Variants in NPR3 observed in about 807,000 individuals in gnomAD.
NPR3 encodes atrial natriuretic peptide receptor 3.
A neutral mutation model predicts 54.5 loss-of-function variants in NPR3; 34 were observed. That is an observed-to-expected ratio of 0.62 (90% CI 0.47 to 0.83). NPR3 has a LOEUF of 0.83. NPR3 is among the 40% of genes least tolerant of loss of function. NPR3 has a pLI of 0.00. For missense variants in NPR3, 674 were observed against 720.8 expected, an observed-to-expected ratio of 0.94 and a Z score of 0.74; for synonymous variants, 289 against 297.1, an observed-to-expected ratio of 0.97 and a Z score of 0.28.
At chr5:32,773,418 A>G (rs899290889) in intron 3 of NPR3, among the ~76,000 whole-genome samples, 1 of 152,146 alleles carries the variant, frequency 6.6e-6, no homozygotes, top group Non-Finnish European at 1.5e-5. Context: ...CCTACTGAAG[A>G]CAGTCCAAGT....
intron 1 of NPR3, among the ~76,000 whole-genome samples, chr5:32,695,627 A>G (rs1342529189): frequency 6.6e-6 from 1 of 152,186 alleles, no homozygotes; most frequent in Non-Finnish European, 1.5e-5. Context: ...ATTCTAGTTT[A>G]CATTCCCACC....
intron 7 of NPR3, among the ~76,000 whole-genome samples, chr5:32,785,138 A>ATTTTTT (rs11427729): frequency 1.1e-5 from 1 of 90,900 alleles, no homozygotes; most frequent in Non-Finnish European, 2.0e-5. Context: ...TTGATCACAG[A>ATTTTTT]TTTTTTTTTT....
At chr5:32,692,547 T>C (rs1194534168) in intron 1 of NPR3, among the ~76,000 whole-genome samples, 3 of 152,206 alleles carry the variant, frequency 2.0e-5, no homozygotes, top group Non-Finnish European at 4.4e-5. Flanking sequence ...TACAATATGA[T>C]TACCAAAAAT....
intron 3 of NPR3, among the ~76,000 whole-genome samples, chr5:32,760,089 G>C (rs10461914): frequency 6.6e-6 from 1 of 151,080 alleles, no homozygotes; most frequent in Non-Finnish European, 1.5e-5. Flanking sequence ...GTTTAAATAC[G>C]CCATGATTTG....
chr5:32,733,201 T>C (rs531272601), intron 2 of NPR3, among the ~76,000 whole-genome samples: 23 of 152,234 alleles, frequency 1.5e-4, no homozygotes, highest in African/African-American at 5.1e-4. Flanking sequence ...AAAAACATAT[T>C]GATAGTGCGT....
At position 32,790,857 on chromosome 5, in the gene NPR3, C is replaced by T. The variant is rs1219949641; in HGVS notation, c.*4512C>T. ...ATTTTATAATAGCTCTGTGATATAT[C>T]AGTGGGAGATGATTCATAGGGGAGA... On this transcript the variant is annotated 3_prime_UTR_variant, in exon 8 of 8. Coordinates refer to ENST00000265074, the MANE Select transcript of NPR3 (RefSeq NM_001204375.2). 1 of 167,004 alleles carries T rather than the reference C, an allele frequency of 6.0e-6. No individual in the cohort carries two copies. The highest frequency in any genetic ancestry group is 1.5e-5 in the Non-Finnish European group (1 of 68,092). 10.3% of individuals were successfully genotyped at this position (167,004 alleles called of 1,614,324 possible).
chr5:32,787,574 G>A lies in NPR3; in HGVS notation c.*1229G>A, dbSNP rs969788126. 2 of 152,186 alleles carry A rather than the reference G, an allele frequency of 1.3e-5. No homozygotes were observed. Among genetic ancestry groups the A allele is most frequent in the Non-Finnish European group, 2.9e-5 (2 of 68,034 alleles). The allele number at this position is 152,186 out of a possible 1,614,324, so 9.4% of individuals were successfully genotyped here. On this transcript the variant is annotated 3_prime_UTR_variant, in exon 8 of 8. Transcript: ENST00000265074. ...TACCAAAATTCCCAGTGATTATTTT[G>A]TTTAAAAGAGGGAACCTAAATATCT...
At position 32,711,464 on chromosome 5, in the gene NPR3, AATAGT is replaced by A. The variant is rs1197528571; in HGVS notation, c.-309_-305del. 1.8e-5 allele frequency: 20 copies of A among 1,103,148 alleles called. No individual in the cohort carries two copies. The highest frequency in any genetic ancestry group is 5.1e-5 in the Admixed American group (1 of 19,768). The allele number at this position is 1,103,148 out of a possible 1,614,324, so 68.3% of individuals were successfully genotyped here. ...CAAATAAGAAGCCACCTCTAAGCAA[AATAGT>A]ATATGTATAAACGGAGGGCGAATAT... is the stretch of plus-strand genomic sequence containing the variant. On this transcript the variant is annotated 5_prime_UTR_variant, in exon 1 of 8. It adds an upstream start codon to the 5' untranslated region. Transcript: ENST00000265074.
chr5:32,781,813 A>G (rs1742352002), intron 5 of NPR3, among the ~76,000 whole-genome samples: 1 of 152,204 alleles, frequency 6.6e-6, no homozygotes, highest in Admixed American at 6.5e-5. Flanking sequence ...GTGGAGGTGT[A>G]TAAAGCCCTT....
chr5:32,736,514 T>C (rs1739758412), intron 2 of NPR3, among the ~76,000 whole-genome samples: 1 of 152,174 alleles, frequency 6.6e-6, no homozygotes, highest in Non-Finnish European at 1.5e-5. Context: ...ACATCACCTC[T>C]ACTGAGTCTT....
intron 2 of NPR3, among the ~76,000 whole-genome samples, chr5:32,738,299 C>A (rs904776835): frequency 1.3e-5 from 2 of 152,018 alleles, no homozygotes; most frequent in Non-Finnish European, 2.9e-5. Flanking sequence ...CCCCCCACCC[C>A]CTGATAGGCC....
At chr5:32,761,799 T>A (rs1262627274) in intron 3 of NPR3, among the ~76,000 whole-genome samples, 1 of 152,104 alleles carries the variant, frequency 6.6e-6, no homozygotes, top group Non-Finnish European at 1.5e-5. Flanking sequence ...ATATAATTTT[T>A]TTTTTCATTA....
Position 32,711,824 on chromosome 5 carries a change from CT to C in NPR3, c.49del (p.Trp17GlyfsTer22). 6.9e-7 allele frequency: 1 copy of C among 1,458,318 alleles called. No homozygotes were observed. Among genetic ancestry groups the C allele is most frequent in the Non-Finnish European group, 9.0e-7 (1 of 1,106,780 alleles). The allele number at this position is 1,458,318 out of a possible 1,614,324, so 90.3% of individuals were successfully genotyped here. On this transcript the variant is annotated frameshift_variant, in exon 1 of 8. Coordinates refer to ENST00000265074, the MANE Select transcript of NPR3 (RefSeq NM_001204375.2). LOFTEE classifies it high-confidence loss of function. ...CTTTCTCCCCGTGCGTACTACTCGG[CT>C]GGGCGTTGCTGGCCGGCGGCACCGG... The part of the protein sequence containing the change: ...LTFSPCVLLG[W>X]ALLAGGTGGG...
intron 4 of NPR3, among the ~76,000 whole-genome samples, chr5:32,780,366 G>A (rs952295492): frequency 5.9e-5 from 9 of 151,904 alleles, no homozygotes; most frequent in Non-Finnish European, 1.2e-4. Flanking sequence ...ATCTATAAAT[G>A]TACCCCACCT....
chr5:32,717,865 T>C (rs1738640957), intron 1 of NPR3, among the ~76,000 whole-genome samples: 1 of 152,192 alleles, frequency 6.6e-6, no homozygotes, highest in Non-Finnish European at 1.5e-5. Context: ...TTTAATTAGG[T>C]CCCATTTATC....
chr5:32,695,462 G>A (rs1371445958), intron 1 of NPR3, among the ~76,000 whole-genome samples: 1 of 152,152 alleles, frequency 6.6e-6, no homozygotes, highest in Non-Finnish European at 1.5e-5. Context: ...TAGAGACGGA[G>A]TTTCACGGTG....
Position 32,780,802 on chromosome 5 carries a change from G to C in NPR3, c.1276G>C (p.Ala426Pro). The stretch of plus-strand genomic sequence containing the variant: ...TGTGATTGCCATGACTGATGTGGAG[G>C]CGGGCACCCAGGAGGTGAGCACGTG... The part of the protein sequence containing the change: ...FSVIAMTDVE[A>P]GTQEVIGDYF... Residue 426 changes from alanine to proline, a missense_variant, in exon 5 of 8, where the codon GCG (alanine) becomes CCG (proline). Coordinates refer to ENST00000265074, the MANE Select transcript of NPR3 (RefSeq NM_001204375.2). 6.4e-7 allele frequency: 1 copy of C among 1,571,606 alleles called. No homozygotes were observed. The highest frequency in any genetic ancestry group is 8.8e-7 in the Non-Finnish European group (1 of 1,141,428).
At chr5:32,776,738 A>G (rs1055793408) in intron 4 of NPR3, among the ~76,000 whole-genome samples, 1 of 152,216 alleles carries the variant, frequency 6.6e-6, no homozygotes, top group Non-Finnish European at 1.5e-5. Flanking sequence ...CAGTGAACTA[A>G]AGACATTTTA....
At chr5:32,764,275 C>A (rs1235470518) in intron 3 of NPR3, among the ~76,000 whole-genome samples, 1 of 152,050 alleles carries the variant, frequency 6.6e-6, no homozygotes, top group African/African-American at 2.4e-5. Flanking sequence ...CCCTTGATAT[C>A]AGCTCTCACC....
Sources: gnomAD v4.1 joint callset for allele counts (sites outside exome capture counted in the v4.1 genomes callset) on GRCh38, gnomAD v4.1.1 for gene constraint, MANE v1.5 for transcripts, NCBI Gene and HGNC (gene_info 2026-07-23, HGNC 2026-07-21) for gene names.